The following LRP1B variants were observed in gnomAD, a reference collection of about 807,000 sequenced individuals.
LRP1B encodes low-density lipoprotein receptor-related protein 1B.
LRP1B carries 217 observed loss-of-function variants against 556.6 expected under a neutral mutation model. The ratio of observed to expected loss-of-function variants is 0.39; its 90% CI spans 0.35 to 0.44. The LOEUF is 0.44. Among genes scored for constraint, LRP1B ranks in the 20% least tolerant of loss-of-function variants. The pLI is 1.00. For missense variants in LRP1B, 5,053 were observed against 5,620.8 expected (o/e 0.90, Z 3.23); for synonymous variants, 2,047 against 1,865.8 (o/e 1.10, Z -2.50).
At chr2:141,847,432 T>G (rs2105768955) in intron 1 of LRP1B, among the ~76,000 whole-genome samples, 1 of 151,666 alleles carries the variant, frequency 6.6e-6, no homozygotes, top group East Asian at 1.9e-4. Flanking sequence ...TTTTTGTATC[T>G]AGACAACTGA....
chr2:141,357,176 C>T (rs1335310989), intron 3 of LRP1B, among the ~76,000 whole-genome samples: 1 of 152,046 alleles, frequency 6.6e-6, no homozygotes, highest in African/African-American at 2.4e-5. Context: ...TTGCCTCAGC[C>T]TCCCGAGTAG....
intron 71 of LRP1B, 125 bp downstream of exon 71, chr2:140,370,585 T>C (rs1682951213): frequency 7.6e-7 from 1 of 1,309,340 alleles, no homozygotes; most frequent in Non-Finnish European, 1.0e-6. Context: ...GTAATGAAAC[T>C]TGGAAGAGTA....
chr2:141,964,182 C>T (rs1481119504), intron 1 of LRP1B, among the ~76,000 whole-genome samples: 2 of 150,278 alleles, frequency 1.3e-5, no homozygotes, highest in South Asian at 4.2e-4. Flanking sequence ...AGGTAATTTA[C>T]AGATTCAATG....
At chr2:140,432,024 T>C (rs1208282873) in intron 66 of LRP1B, among the ~76,000 whole-genome samples, 1 of 152,160 alleles carries the variant, frequency 6.6e-6, no homozygotes, top group Non-Finnish European at 1.5e-5. Flanking sequence ...TAAGCTATCA[T>C]ATCCCCTGTG....
intron 1 of LRP1B, among the ~76,000 whole-genome samples, chr2:141,816,469 T>C (rs1574393973): frequency 6.6e-6 from 1 of 152,166 alleles, no homozygotes; most frequent in African/African-American, 2.4e-5. Flanking sequence ...GTTCTGCAGC[T>C]TTTGGGCTTT....
At chr2:141,149,450 A>C (rs1007464606) in intron 7 of LRP1B, among the ~76,000 whole-genome samples, 1 of 152,164 alleles carries the variant, frequency 6.6e-6, no homozygotes, top group Admixed American at 6.5e-5. Flanking sequence ...AATCTTCTCA[A>C]TGGTTTACCT....
intron 32 of LRP1B, among the ~76,000 whole-genome samples, chr2:140,794,436 T>A (rs1277702312): frequency 6.6e-6 from 1 of 151,484 alleles, no homozygotes; most frequent in Non-Finnish European, 1.5e-5. Context: ...TGACAATATT[T>A]AATTTGCATA....
At chr2:141,312,120 T>C (rs1335662548) in intron 3 of LRP1B, among the ~76,000 whole-genome samples, 1 of 152,118 alleles carries the variant, frequency 6.6e-6, no homozygotes, top group Admixed American at 6.6e-5. Context: ...ATACAAAGAT[T>C]TTGTTTTCGA....
chr2:141,591,581 G>GGTGTGTGTGT lies in LRP1B; in HGVS notation c.206-111058_206-111049dup, dbSNP rs72043982. Reference sequence around the variant, plus strand: ...AGATCACTGAAGACAACTGCAGAGTGGTGTGTGTGTGTGTGTGTGTGTGTG... The same window carrying GGTGTGTGTGT: ...AGATCACTGAAGACAACTGCAGAGTGGTGTGTGTGTGTGTGTGTGTGTGTGTGTGTGTGTG... On this transcript the variant is annotated intron_variant, in intron 2 of 90. Coordinates refer to ENST00000389484, the MANE Select transcript of LRP1B (RefSeq NM_018557.3). Among the ~76,000 whole-genome samples, 950 of 148,214 alleles carry GGTGTGTGTGT rather than the reference G, an allele frequency of 6.4e-3. 4 individuals are homozygous for GGTGTGTGTGT. The highest frequency in any genetic ancestry group is 0.013 in the East Asian group (63 of 4,942).
At chr2:141,787,565 T>C (rs541863649) in intron 2 of LRP1B, among the ~76,000 whole-genome samples, 1 of 151,748 alleles carries the variant, frequency 6.6e-6, no homozygotes, top group Admixed American at 6.6e-5. Flanking sequence ...TACAGATCAG[T>C]GTCAGGGATC....
chr2:141,291,812 C>T (rs921331485), intron 3 of LRP1B, among the ~76,000 whole-genome samples: 28 of 134,402 alleles, frequency 2.1e-4, no homozygotes, highest in Admixed American at 1.6e-3. Flanking sequence ...GCAGAGATCG[C>T]GCCACTGCAC....
intron 3 of LRP1B, among the ~76,000 whole-genome samples, chr2:141,333,597 A>G (rs116470641): frequency 1.1e-3 from 167 of 152,322 alleles, no homozygotes; most frequent in African/African-American, 3.9e-3. Flanking sequence ...TGCTCTTTCA[A>G]TTTAGGATTC....
intron 20 of LRP1B, among the ~76,000 whole-genome samples, chr2:140,939,885 A>ATTTTT (rs3063651): frequency 7.5e-5 from 10 of 132,646 alleles, no homozygotes; most frequent in East Asian, 2.2e-4. Context: ...ATTTGGTGTA[A>ATTTTT]TTTTTTTTTT....
At chr2:140,772,159 A>C (rs1318133240) in intron 33 of LRP1B, among the ~76,000 whole-genome samples, 2 of 152,152 alleles carry the variant, frequency 1.3e-5, no homozygotes, top group Admixed American at 6.6e-5. Context: ...AAATGATTAC[A>C]TTTATCCTAT....
chr2:140,766,823 ATATATATATATATATATATAT>A lies in LRP1B; in HGVS notation c.5758+2369_5758+2389del, dbSNP rs10523764. Among the ~76,000 whole-genome samples the A allele has an allele frequency of 1.3e-3, 100 of 74,686 alleles. 4 individuals carry two copies. The East Asian group carries it at 0.039, about 29-fold the overall frequency. 49.0% of individuals were successfully genotyped at this position (74,686 alleles called of 152,430 possible). On this transcript the variant is annotated intron_variant, in intron 35 of 90. Coordinates refer to ENST00000389484, the MANE Select transcript of LRP1B (RefSeq NM_018557.3). ...GTAGCTTCCAGGGCATCTTTGTAAA[ATATATATATATATATATATAT>A]TATATATATATATATATATATAATA... is the stretch of plus-strand genomic sequence containing the variant.
At chr2:142,071,991 A>G (rs150679034) in intron 1 of LRP1B, among the ~76,000 whole-genome samples, 19 of 152,050 alleles carry the variant, frequency 1.2e-4, no homozygotes, top group Non-Finnish European at 2.4e-4. Context: ...TCACCCAACC[A>G]GATATCTGGA....
chr2:141,084,474 C>A (rs1699998736), intron 7 of LRP1B, among the ~76,000 whole-genome samples: 2 of 152,146 alleles, frequency 1.3e-5, no homozygotes, highest in African/African-American at 4.8e-5. Context: ...AGAGAAATGG[C>A]AAACTTCTAC....
At position 141,247,250 on chromosome 2, in the gene LRP1B, T is replaced by C; in HGVS notation, c.568A>G (p.Asn190Asp). 2 of 1,613,788 alleles carry C rather than the reference T, an allele frequency of 1.2e-6. No individual in the cohort carries two copies. Among genetic ancestry groups the C allele is most frequent in the Non-Finnish European group, 1.7e-6 (2 of 1,179,796 alleles). ...CCAATTTTAGCCTTGCAAGATCTGT[T>C]GTCTGGCTGCATTAGGTAGCCTTCC... is the stretch of plus-strand genomic sequence containing the variant. ...CVEGYLMQPD[N>D]RSCKAKIEPT... Residue 190 changes from asparagine (N) to aspartate (D), a missense_variant, in exon 5 of 91, where the codon AAC (asparagine) becomes GAC (aspartate). Physicochemically the swap from Asn to Asp is conservative, Grantham distance 23 (BLOSUM62 1). Around this residue, in one of 5 missense-constraint regions of LRP1B, gnomAD observed 3,619 missense variants for 3,931.9 expected, o/e 0.92. Coordinates refer to ENST00000389484, the MANE Select transcript of LRP1B (RefSeq NM_018557.3).
At chr2:141,264,054 C>T (rs78764697) in intron 3 of LRP1B, among the ~76,000 whole-genome samples, 6 of 152,238 alleles carry the variant, frequency 3.9e-5, no homozygotes, top group African/African-American at 1.2e-4. Flanking sequence ...ACTTCTCTTA[C>T]CATTTATATT....
Sources: gnomAD v4.1 joint callset for allele counts (sites outside exome capture counted in the v4.1 genomes callset) on GRCh38, gnomAD v4.1.1 for gene constraint, gnomAD v4.1.1 regional missense constraint, MANE v1.5 for transcripts, NCBI Gene and HGNC (gene_info 2026-07-23, HGNC 2026-07-21) for gene names.